Variants in MAGI1 observed in about 807,000 individuals in gnomAD.
MAGI1 encodes the protein membrane associated guanylate kinase, WW and PDZ domain containing 1.
MAGI1 carries 58 observed loss-of-function variants against 139.9 expected under a neutral mutation model. The ratio of observed to expected loss-of-function variants is 0.41; its 90% CI spans 0.34 to 0.52. MAGI1 has a LOEUF of 0.52. Ranked by LOEUF, MAGI1 falls within the 20% of genes least tolerant of loss-of-function variation. MAGI1 has a pLI of 0.12. For missense variants in MAGI1, 1,874 were observed against 1,901.6 expected (o/e 0.99, Z 0.27); for synonymous variants, 812 against 737.9 (o/e 1.10, Z -1.63).
intron 12 of MAGI1, among the ~76,000 whole-genome samples, chr3:65,418,241 T>A (rs562708314): frequency 6.6e-6 from 1 of 152,280 alleles, no homozygotes; most frequent in East Asian, 1.9e-4. Context: ...GACTACATAT[T>A]ACTGACGGTA....
chr3:65,637,888 T>C (rs538341056), intron 1 of MAGI1, among the ~76,000 whole-genome samples: 2 of 152,338 alleles, frequency 1.3e-5, no homozygotes, highest in African/African-American at 4.8e-5. Context: ...TCTTGTTTAT[T>C]GTCTGTCATC....
intron 1 of MAGI1, among the ~76,000 whole-genome samples, chr3:65,887,851 C>CCA (rs2060592961): frequency 6.6e-6 from 1 of 152,116 alleles, no homozygotes; most frequent in Non-Finnish European, 1.5e-5. Context: ...GAATTTATTT[C>CCA]CACACAAGAG....
chr3:65,776,845 T>A (rs544881217), intron 1 of MAGI1, among the ~76,000 whole-genome samples: 1 of 152,340 alleles, frequency 6.6e-6, no homozygotes, highest in East Asian at 1.9e-4. Flanking sequence ...CTTTTCTGCA[T>A]CTCAGCCACT....
intron 1 of MAGI1, among the ~76,000 whole-genome samples, chr3:65,744,727 C>T (rs190538008): frequency 1.4e-4 from 21 of 151,196 alleles, no homozygotes; most frequent in Admixed American, 1.1e-3. Flanking sequence ...GAAAAAGATG[C>T]GAAAGTATTA....
In MAGI1 at chr3:65,356,452, C is replaced by T. The variant is rs769748546; in HGVS notation, c.4315G>A (p.Gly1439Ser). 14 of 1,611,224 alleles carry T rather than the reference C, an allele frequency of 8.7e-6. No individual in the cohort carries two copies. Among genetic ancestry groups the T allele is most frequent in the African/African-American group, 2.7e-5 (2 of 74,694 alleles). Residue 1439 changes from glycine (G) to serine (S), a missense_variant, in exon 23 of 23, where the codon GGC (glycine) becomes AGC (serine). Transcript: ENST00000402939. The stretch of plus-strand genomic sequence containing the variant: ...TCCGGGGGATGTCTGGAACTTCTGC[C>T]GGCATCCTGTTTCAGATTCGCCTCT... Reference protein sequence around the residue: ...REEANLKQDAGRSSRHPPEQR... With the variant: ...REEANLKQDASRSSRHPPEQR...
intron 2 of MAGI1, among the ~76,000 whole-genome samples, chr3:65,504,549 T>C (rs547510586): frequency 8.5e-5 from 13 of 152,132 alleles, no homozygotes; most frequent in South Asian, 2.1e-4. Flanking sequence ...AAAGAAGACA[T>C]TGGGGAGGGG....
intron 1 of MAGI1, among the ~76,000 whole-genome samples, chr3:65,996,197 A>G (rs12631885): frequency 0.73 from 110,280 of 151,872 alleles, 40,739 homozygotes; most frequent in East Asian, 0.95. Context: ...CTAGAATATG[A>G]AAATAATTAC....
chr3:66,029,321 C>A (rs906306959), intron 1 of MAGI1, among the ~76,000 whole-genome samples: 1 of 152,154 alleles, frequency 6.6e-6, no homozygotes, highest in Non-Finnish European at 1.5e-5. Flanking sequence ...CACCATCATG[C>A]CCCTGTCCAT....
intron 1 of MAGI1, among the ~76,000 whole-genome samples, chr3:65,805,922 C>G (rs769543344): frequency 6.6e-6 from 1 of 152,050 alleles, no homozygotes; most frequent in Non-Finnish European, 1.5e-5. Context: ...GAATAACACA[C>G]ACTGGGGCCT....
At chr3:65,871,358 G>T (rs2059933620) in intron 1 of MAGI1, among the ~76,000 whole-genome samples, 1 of 152,180 alleles carries the variant, frequency 6.6e-6, no homozygotes, top group African/African-American at 2.4e-5. Context: ...AAGAATGCAT[G>T]CACTCTTTCT....
At chr3:65,703,216 T>C (rs1268373714) in intron 1 of MAGI1, among the ~76,000 whole-genome samples, 1 of 152,156 alleles carries the variant, frequency 6.6e-6, no homozygotes, top group Non-Finnish European at 1.5e-5. Context: ...GATGAGCAAA[T>C]CTGACAACTG....
intron 2 of MAGI1, among the ~76,000 whole-genome samples, chr3:65,618,200 C>T (rs2083472858): frequency 6.6e-6 from 1 of 151,948 alleles, no homozygotes; most frequent in Non-Finnish European, 1.5e-5. Context: ...AGGGTTGAAG[C>T]GCAGAGTGGG....
intron 1 of MAGI1, among the ~76,000 whole-genome samples, chr3:65,757,067 C>T (rs995999276): frequency 3.6e-5 from 5 of 140,542 alleles, no homozygotes; most frequent in South Asian, 2.2e-4. Flanking sequence ...ACCTCCTTGC[C>T]GGGAGGTTTA....
intron 21 of MAGI1, among the ~76,000 whole-genome samples, chr3:65,361,574 T>C (rs777831237): frequency 6.6e-6 from 1 of 152,110 alleles, no homozygotes; most frequent in Non-Finnish European, 1.5e-5. Context: ...AGTAAGGGCA[T>C]GTTAATGGTT....
At chr3:65,967,794 T>C (rs561162372) in intron 1 of MAGI1, among the ~76,000 whole-genome samples, 5 of 152,276 alleles carry the variant, frequency 3.3e-5, no homozygotes, top group South Asian at 2.1e-4. Flanking sequence ...TCAGGCTCTA[T>C]AGATGAGTAC....
At chr3:65,739,397 C>T in intron 1 of MAGI1, among the ~76,000 whole-genome samples, 1 of 152,156 alleles carries the variant, frequency 6.6e-6, no homozygotes, top group East Asian at 1.9e-4. Context: ...CCAACTTTCT[C>T]CACATTAGCA....
chr3:65,361,482 T>C lies in MAGI1; in HGVS notation c.3496-145A>G, dbSNP rs141998226. The C allele has an allele frequency of 6.9e-4, 491 of 708,974 alleles. 3 individuals are homozygous for C. The African/African-American group carries it at 8.2e-3, about 12-fold the overall frequency. 43.9% of individuals were successfully genotyped at this position (708,974 alleles called of 1,614,324 possible). On this transcript the variant is annotated intron_variant, in intron 21 of 22. Coordinates refer to ENST00000402939, the MANE Select transcript of MAGI1 (RefSeq NM_001033057.2). Reference sequence around the variant, plus strand: ...GAAATCCCTGCCCTCATGGAGATTATATTCTAAAGAGGGAAAGACAATTAA... The same window carrying C: ...GAAATCCCTGCCCTCATGGAGATTACATTCTAAAGAGGGAAAGACAATTAA...
intron 10 of MAGI1, among the ~76,000 whole-genome samples, 168 bp downstream of exon 10, chr3:65,436,987 T>C (rs938884460): frequency 2.0e-5 from 3 of 152,206 alleles, no homozygotes; most frequent in African/African-American, 7.2e-5. Context: ...AGATTCCTAA[T>C]TTTTCTTGAC....
At chr3:65,688,106 G>C in intron 1 of MAGI1, 2 of 763,258 alleles carry the variant, frequency 2.6e-6, no homozygotes, top group East Asian at 6.5e-5. Flanking sequence ...CTGCACATAG[G>C]TGTTGCTTGC....
Sources: gnomAD v4.1 joint callset for allele counts (sites outside exome capture counted in the v4.1 genomes callset) on GRCh38, gnomAD v4.1.1 for gene constraint, MANE v1.5 for transcripts, NCBI Gene and HGNC (gene_info 2026-07-23, HGNC 2026-07-21) for gene names.